The following ADGRV1 variants were observed in gnomAD, a reference collection of about 807,000 sequenced individuals.
ADGRV1 encodes the protein G-protein coupled receptor 98.
A neutral mutation model predicts 596.2 loss-of-function variants in ADGRV1; 359 were observed. That is an observed-to-expected ratio of 0.60 (90% CI 0.55 to 0.66). The LOEUF is 0.66. ADGRV1 is among the 30% of genes least tolerant of loss of function. ADGRV1 has a pLI of 0.00. For synonymous variants in ADGRV1, 2,681 were observed against 2,679.2 expected (o/e 1.00, Z -0.02); for missense variants, 7,274 against 7,575.6 (o/e 0.96, Z 1.48).
At chr5:90,787,736 G>A (rs1268717981) in intron 67 of ADGRV1, among the ~76,000 whole-genome samples, 5 of 151,456 alleles carry the variant, frequency 3.3e-5, no homozygotes, top group South Asian at 2.1e-4. Flanking sequence ...AATTACAGGC[G>A]CCTGCCACCA....
Position 90,763,450 on chromosome 5 carries a change from G to T in ADGRV1, c.12266G>T (p.Gly4089Val). 1 of 1,612,472 alleles carries T rather than the reference G, an allele frequency of 6.2e-7. No homozygotes were observed. ...AAACATAACCTTAGTCCTTTGAATG[G>T]GACCCTTCATTTTGATGAGGTATAG... ...KAKHNLSPLN[G>V]TLHFDETESQ... Residue 4089 changes from glycine (G) to valine (V), a missense_variant, in exon 59 of 90, where the codon GGG becomes GTG. This residue lies in a region of ADGRV1 where 3,643 missense variants were observed against 3,809.2 expected (regional missense o/e 0.96). Transcript: ENST00000405460.
chr5:90,760,039 C>T, intron 58 of ADGRV1: 1 of 151,168 alleles, frequency 6.6e-6, no homozygotes, highest in Non-Finnish European at 1.4e-5. Flanking sequence ...CTTTGGGAGG[C>T]CGAGGCGGGC....
intron 48 of ADGRV1, among the ~76,000 whole-genome samples, chr5:90,726,525 G>A (rs750507198): frequency 3.9e-4 from 59 of 152,116 alleles, no homozygotes; most frequent in Non-Finnish European, 2.5e-4. Context: ...CAGATCCAGT[G>A]GGTGTTTTTC....
At chr5:90,790,709 A>G (rs1759967993) in intron 69 of ADGRV1, among the ~76,000 whole-genome samples, 164 bp from the exon 70 acceptor site, 2 of 152,234 alleles carry the variant, frequency 1.3e-5, no homozygotes, top group African/African-American at 4.8e-5. Flanking sequence ...GCCTGAGTCA[A>G]TATACCTTCC....
In ADGRV1 at chr5:90,653,734, TACAA is replaced by T. The variant is rs1324546786; in HGVS notation, c.4167_4170del (p.Glu1391ProfsTer3). The T allele has an allele frequency of 3.1e-6, 5 of 1,612,742 alleles. No individual in the cohort carries two copies. Among genetic ancestry groups the T allele is most frequent in the Non-Finnish European group, 4.2e-6 (5 of 1,179,414 alleles). On this transcript the variant is annotated frameshift_variant, in exon 20 of 90. Transcript: ENST00000405460. LOFTEE classifies it high-confidence loss of function. The stretch of plus-strand genomic sequence containing the variant: ...GGAAGCATCTACTACGGGGTAAAAA[TACAA>T]ACAAACGAATCCCATGTGACACTTT...
intron 83 of ADGRV1, among the ~76,000 whole-genome samples, chr5:90,957,218 A>G (rs544920869): frequency 1.0e-3 from 153 of 152,296 alleles, no homozygotes; most frequent in Non-Finnish European, 1.9e-3. Flanking sequence ...TTCCTTCTCT[A>G]TGCAATAAAA....
chr5:90,595,221 C>T (rs1319770239), intron 1 of ADGRV1, among the ~76,000 whole-genome samples: 1 of 48,924 alleles, frequency 2.0e-5, no homozygotes, highest in African/African-American at 1.1e-4. Flanking sequence ...GCTGACCCCC[C>T]CACCTCCTTC....
At chr5:90,831,563 C>T (rs902376264) in intron 77 of ADGRV1, among the ~76,000 whole-genome samples, 11 of 152,048 alleles carry the variant, frequency 7.2e-5, no homozygotes, top group Non-Finnish European at 1.5e-4. Context: ...CTTTTTGTTA[C>T]AGATAATTCA....
In ADGRV1 at chr5:90,642,906, T is replaced by G. The variant is rs1345840420; in HGVS notation, c.2418T>G (p.Val806=). Residue 806 remains valine, a synonymous_variant, in exon 13 of 90, where the codon GTT becomes GTG. Coordinates refer to ENST00000405460, the MANE Select transcript of ADGRV1 (RefSeq NM_032119.4). Reference sequence around the variant, plus strand: ...TCATCCGATCAAGGGGGTCCCTTGTTAAGCAGTTTCTACACTACCGAGTAG... The same window carrying G: ...TCATCCGATCAAGGGGGTCCCTTGTGAAGCAGTTTCTACACTACCGAGTAG... ...LHIIRSRGSL[V]KQFLHYRVEP... is the part of the protein sequence containing the mutation. 6.2e-7 allele frequency: 1 copy of G among 1,612,238 alleles called. No individual in the cohort carries two copies. Among genetic ancestry groups the G allele is most frequent in the Admixed American group, 1.7e-5 (1 of 59,828 alleles).
chr5:90,707,943 T>C (rs1748827123), intron 38 of ADGRV1, among the ~76,000 whole-genome samples: 1 of 152,056 alleles, frequency 6.6e-6, no homozygotes, highest in South Asian at 2.1e-4. Context: ...GGCACAGCAG[T>C]CCTTCTATAT....
Position 90,774,447 on chromosome 5 carries a change from G to A in ADGRV1, c.12403+144G>A, listed in dbSNP as rs1758008768. The A allele has an allele frequency of 6.9e-6, 4 of 577,854 alleles. No homozygotes were observed. The Admixed American group carries it at 1.2e-4, about 17-fold the overall frequency. The allele number at this position is 577,854 out of a possible 1,614,324, so 35.8% of individuals were successfully genotyped here. On this transcript the variant is annotated intron_variant, in intron 60 of 89. Transcript: ENST00000405460. ...GATACCATTTTCCACATGTATTAAA[G>A]GTTAAGAATTTTTTAAATTAAAATT...
intron 60 of ADGRV1, among the ~76,000 whole-genome samples, chr5:90,775,635 C>T (rs1758147028): frequency 6.6e-6 from 1 of 152,114 alleles, no homozygotes; most frequent in South Asian, 2.1e-4. Flanking sequence ...TGGCACTATG[C>T]CCAGTTAATT....
chr5:90,836,204 T>G (rs1764953147), intron 77 of ADGRV1, among the ~76,000 whole-genome samples: 1 of 152,170 alleles, frequency 6.6e-6, no homozygotes, highest in African/African-American at 2.4e-5. Context: ...ATGAACTACC[T>G]TATGACTCAG....
chr5:90,900,602 C>T (rs1489518272), intron 83 of ADGRV1, among the ~76,000 whole-genome samples: 1 of 152,102 alleles, frequency 6.6e-6, no homozygotes, highest in Non-Finnish European at 1.5e-5. Context: ...TTCGAGATCT[C>T]TCAACAATGC....
Position 90,684,188 on chromosome 5 carries a change from T to G in ADGRV1, c.6267T>G (p.Ser2089Arg). The G allele has an allele frequency of 6.2e-7, 1 of 1,609,092 alleles. No individual in the cohort carries two copies. Among genetic ancestry groups the G allele is most frequent in the Non-Finnish European group, 8.5e-7 (1 of 1,177,268 alleles). The change falls in exon 28 of 90, where the codon AGT becomes AGG. Residue 2089 changes from serine to arginine, a missense_variant. Transcript: ENST00000405460. ...CTACTTTAGTAGCGAAAGTACAGAG[T>G]CGTTCAAGTAAGTATCCCTTAGTGT... ...LNSTLVAKVQ[S>R]RSIPNSPRLG...
intron 83 of ADGRV1, among the ~76,000 whole-genome samples, chr5:90,941,383 A>T (rs1023870626): frequency 2.0e-5 from 3 of 152,212 alleles, no homozygotes; most frequent in Non-Finnish European, 4.4e-5. Flanking sequence ...ACAAATAGCC[A>T]TTTTTTAAAA....
Position 90,812,917 on chromosome 5 carries a change from G to C in ADGRV1, c.16078+1579G>C, listed in dbSNP as rs966817671. On this transcript the variant is annotated intron_variant, in intron 74 of 89. Coordinates refer to ENST00000405460, the MANE Select transcript of ADGRV1 (RefSeq NM_032119.4). ...GAGGCCGAGTCGGGCGGATCACGAG[G>C]TCAGGAGATCGAGACCATCCTGACT... Among the ~76,000 whole-genome samples the C allele has an allele frequency of 2.0e-5, 3 of 151,470 alleles. No individual in the cohort carries two copies. The East Asian group carries it at 5.8e-4, about 29-fold the overall frequency.
At chr5:90,861,811 A>C (rs1022092582) in intron 82 of ADGRV1, among the ~76,000 whole-genome samples, 1 of 152,280 alleles carries the variant, frequency 6.6e-6, no homozygotes, top group South Asian at 2.1e-4. Flanking sequence ...TGTCTTAGAA[A>C]CCTGATAATT....
chr5:90,643,129 AAG>A (rs1391214515), intron 13 of ADGRV1, 88 bp downstream of exon 13: 13 of 1,172,356 alleles, frequency 1.1e-5, no homozygotes, highest in Non-Finnish European at 1.6e-5. Context: ...AATATTGGCA[AAG>A]AGACAGGAAA....
Sources: gnomAD v4.1 joint callset for allele counts (sites outside exome capture counted in the v4.1 genomes callset) on GRCh38, gnomAD v4.1.1 for gene constraint, gnomAD v4.1.1 regional missense constraint, MANE v1.5 for transcripts, NCBI Gene and HGNC (gene_info 2026-07-23, HGNC 2026-07-21) for gene names.